Variants in SPIDR observed in about 807,000 individuals in gnomAD.
The protein encoded by SPIDR is DNA repair-scaffolding protein.
Under a neutral mutation model 104.6 loss-of-function variants are expected in SPIDR, and 93 were observed. The observed-to-expected ratio is 0.89, with a 90% CI of 0.75 to 1.06. The LOEUF is 1.06. Ranked by LOEUF, SPIDR falls within the 50% of genes least tolerant of loss-of-function variation. The probability of loss-of-function intolerance (pLI) is 0.00; values close to 1 mark genes in which losing one functional copy is unlikely to be tolerated. For missense variants in SPIDR, 1,154 were observed against 1,111.2 expected, an observed-to-expected ratio of 1.04 and a Z score of -0.55; for synonymous variants, 431 against 416.9, an observed-to-expected ratio of 1.03 and a Z score of -0.41.
At chr8:47,460,150 A>T (rs1180083613) in intron 8 of SPIDR, among the ~76,000 whole-genome samples, 7 of 152,138 alleles carry the variant, frequency 4.6e-5, no homozygotes, top group Non-Finnish European at 7.4e-5. Flanking sequence ...TGTTAAGTCC[A>T]TTTGTTCCAG....
chr8:47,407,965 A>G lies in SPIDR; in HGVS notation c.877+4A>G. ...TCTTACCAAAAGACACTTTCAGGTA[A>G]GGCTTGTGCAGGAATCTGAGACAAT... On this transcript the variant is annotated splice_donor_region_variant and intron_variant, in intron 7 of 19. Coordinates refer to ENST00000297423, the MANE Select transcript of SPIDR (RefSeq NM_001080394.4). The G allele has an allele frequency of 6.6e-7, 1 of 1,519,390 alleles. No homozygotes were observed. The highest frequency in any genetic ancestry group is 9.0e-7 in the Non-Finnish European group (1 of 1,110,992). The allele number at this position is 1,519,390 out of a possible 1,614,324, so 94.1% of individuals were successfully genotyped here.
At chr8:47,422,452 T>G (rs1480567363) in intron 7 of SPIDR, among the ~76,000 whole-genome samples, 1 of 152,190 alleles carries the variant, frequency 6.6e-6, no homozygotes, top group Non-Finnish European at 1.5e-5. Context: ...GCTAAGACCA[T>G]TGGAAAAGCG....
At chr8:47,490,024 C>T (rs1554737639) in intron 8 of SPIDR, among the ~76,000 whole-genome samples, 2 of 152,176 alleles carry the variant, frequency 1.3e-5, no homozygotes, top group Non-Finnish European at 2.9e-5. Flanking sequence ...AACTAAAGAG[C>T]TTCTGCACAG....
intron 8 of SPIDR, among the ~76,000 whole-genome samples, chr8:47,578,034 A>G (rs1487613375): frequency 6.6e-6 from 1 of 152,238 alleles, no homozygotes; most frequent in Non-Finnish European, 1.5e-5. Flanking sequence ...GAGTTGCTTT[A>G]TAACTCAGGG....
At chr8:47,678,527 G>A (rs926940268) in intron 11 of SPIDR, among the ~76,000 whole-genome samples, 4 of 152,190 alleles carry the variant, frequency 2.6e-5, no homozygotes, top group Non-Finnish European at 5.9e-5. Flanking sequence ...AGACTCAGAA[G>A]GATAGCTGGT....
intron 8 of SPIDR, among the ~76,000 whole-genome samples, chr8:47,452,525 G>T (rs540460973): frequency 6.8e-4 from 104 of 152,226 alleles, no homozygotes; most frequent in Middle Eastern, 3.4e-3. Flanking sequence ...TGATCAAGTG[G>T]GCTTCATCCC....
At chr8:47,652,410 G>A (rs895029913) in intron 10 of SPIDR, among the ~76,000 whole-genome samples, 1 of 152,190 alleles carries the variant, frequency 6.6e-6, no homozygotes, top group Non-Finnish European at 1.5e-5. Context: ...GGGCAGGCTG[G>A]GCAGGCAGCA....
At chr8:47,350,640 TAA>T (rs782700658) in intron 5 of SPIDR, among the ~76,000 whole-genome samples, 1 of 152,226 alleles carries the variant, frequency 6.6e-6, no homozygotes, top group Admixed American at 6.5e-5. Flanking sequence ...GGAGCAAATG[TAA>T]ACCTTATAGT....
At chr8:47,369,182 T>C (rs2057664234) in intron 5 of SPIDR, among the ~76,000 whole-genome samples, 1 of 152,228 alleles carries the variant, frequency 6.6e-6, no homozygotes, top group Non-Finnish European at 1.5e-5. Context: ...GAGAGTGTTC[T>C]TCCCCTCTGT....
intron 8 of SPIDR, among the ~76,000 whole-genome samples, chr8:47,582,853 CACACACACACACACACAT>C (rs898250891): frequency 3.3e-5 from 5 of 149,980 alleles, no homozygotes; most frequent in Admixed American, 2.7e-4. Flanking sequence ...CACACACACA[CACACACACACACACACAT>C]ATTTTTAAAA....
chr8:47,568,691 A>G (rs1317757992), intron 8 of SPIDR, among the ~76,000 whole-genome samples: 1 of 152,206 alleles, frequency 6.6e-6, no homozygotes, highest in Non-Finnish European at 1.5e-5. Context: ...TCAGAAGAGA[A>G]AGAGAAAGGG....
At chr8:47,604,295 G>T (rs1243704278) in intron 10 of SPIDR, among the ~76,000 whole-genome samples, 1 of 152,214 alleles carries the variant, frequency 6.6e-6, no homozygotes, top group Non-Finnish European at 1.5e-5. Flanking sequence ...CTCTTGGACA[G>T]GAGGGAGAAG....
intron 8 of SPIDR, among the ~76,000 whole-genome samples, chr8:47,522,696 G>C (rs898897282): frequency 1.3e-5 from 2 of 152,180 alleles, no homozygotes; most frequent in Non-Finnish European, 2.9e-5. Context: ...TTAAAAGTAA[G>C]AAGTATTTGT....
At chr8:47,517,772 T>C (rs973906856) in intron 8 of SPIDR, among the ~76,000 whole-genome samples, 1 of 152,246 alleles carries the variant, frequency 6.6e-6, no homozygotes, top group Non-Finnish European at 1.5e-5. Flanking sequence ...GTTTCATTAT[T>C]CGTATTTAAC....
chr8:47,524,472 G>A (rs1429237437), intron 8 of SPIDR, among the ~76,000 whole-genome samples: 5 of 152,182 alleles, frequency 3.3e-5, no homozygotes, highest in Non-Finnish European at 1.5e-5. Context: ...TGGTAGGTCA[G>A]CCATGGGCAG....
chr8:47,465,789 A>T (rs2074671226), intron 8 of SPIDR, among the ~76,000 whole-genome samples: 1 of 152,128 alleles, frequency 6.6e-6, no homozygotes, highest in Non-Finnish European at 1.5e-5. Flanking sequence ...CCCATCTCAC[A>T]TGCAGTGACA....
At chr8:47,620,557 C>T (rs964313180) in intron 10 of SPIDR, among the ~76,000 whole-genome samples, 6 of 150,760 alleles carry the variant, frequency 4.0e-5, no homozygotes, top group Non-Finnish European at 5.9e-5. Flanking sequence ...GATGAGCCAC[C>T]GCACCCGGCC....
At position 47,543,909 on chromosome 8, in the gene SPIDR, G is replaced by A. The variant is rs575925466; in HGVS notation, c.1098-51902G>A. 2.6e-5 allele frequency among the ~76,000 whole-genome samples: 4 copies of A among 152,336 alleles called. No individual in the cohort carries two copies. The East Asian group carries it at 7.7e-4, about 29-fold the overall frequency. Reference sequence around the variant, plus strand: ...TTTTGGCCTCAGATAATTGGCTGAAGGCGATAAAGGAATGAATCATCTGTT... The same window carrying A: ...TTTTGGCCTCAGATAATTGGCTGAAAGCGATAAAGGAATGAATCATCTGTT... On this transcript the variant is annotated intron_variant, in intron 8 of 19. Coordinates refer to ENST00000297423, the MANE Select transcript of SPIDR (RefSeq NM_001080394.4).
At chr8:47,678,082 T>C (rs757319113) in intron 11 of SPIDR, among the ~76,000 whole-genome samples, 1 of 152,024 alleles carries the variant, frequency 6.6e-6, no homozygotes, top group Non-Finnish European at 1.5e-5. Context: ...ACTTATTCAG[T>C]AAATATTATT....
Sources: gnomAD v4.1 joint callset for allele counts (sites outside exome capture counted in the v4.1 genomes callset) on GRCh38, gnomAD v4.1.1 for gene constraint, MANE v1.5 for transcripts, NCBI Gene and HGNC (gene_info 2026-07-23, HGNC 2026-07-21) for gene names.